The following SV2C variants were observed in gnomAD, a reference collection of about 807,000 sequenced individuals.
SV2C encodes synaptic vesicle glycoprotein 2C.
Under a neutral mutation model 79.7 loss-of-function variants are expected in SV2C, and 49 were observed. That is an observed-to-expected ratio of 0.61 (90% CI 0.49 to 0.78). SV2C has a LOEUF of 0.78. SV2C is among the 30% of genes least tolerant of loss of function. SV2C has a pLI of 0.00. For missense variants in SV2C, 833 were observed against 912.9 expected, an observed-to-expected ratio of 0.91 and a Z score of 1.13; for synonymous variants, 334 against 333.2, an observed-to-expected ratio of 1.00 and a Z score of -0.03.
At chr5:76,232,304 A>T (rs1194641545) in intron 4 of SV2C, among the ~76,000 whole-genome samples, 3 of 150,372 alleles carry the variant, frequency 2.0e-5, no homozygotes, top group South Asian at 4.2e-4. Flanking sequence ...TTTCTTGTAA[A>T]TTTGTTGGAG....
At chr5:75,854,133 ACT>A in the SV2C span, among the ~76,000 whole-genome samples, 1 of 151,810 alleles carries the variant, frequency 6.6e-6, no homozygotes, top group African/African-American at 2.4e-5. Context: ...TGGTGTATTT[ACT>A]CTTTTTTTTC....
chr5:76,225,790 C>T (rs1051218355), intron 4 of SV2C, among the ~76,000 whole-genome samples: 1 of 152,176 alleles, frequency 6.6e-6, no homozygotes, highest in African/African-American at 2.4e-5. Context: ...GAAGTGGATT[C>T]AATGGCTTTG....
Position 76,134,417 on chromosome 5 carries a change from C to T in SV2C, c.580+2087C>T, listed in dbSNP as rs144383765. ...AATTGTTTTGCCATTTTCATTTCAT[C>T]GAATAATAGCTTTGTAATATAATTA... is the stretch of plus-strand genomic sequence containing the variant. On this transcript the variant is annotated intron_variant, in intron 2 of 12. Coordinates refer to ENST00000502798, the MANE Select transcript of SV2C (RefSeq NM_014979.4). Among the ~76,000 whole-genome samples, 402 of 152,168 alleles carry T rather than the reference C, an allele frequency of 2.6e-3. 4 individuals are homozygous for T. Among genetic ancestry groups the T allele is most frequent in the African/African-American group, 9.2e-3 (380 of 41,512 alleles).
chr5:76,038,919 C>T, the SV2C span, among the ~76,000 whole-genome samples: 1 of 152,206 alleles, frequency 6.6e-6, no homozygotes, highest in Non-Finnish European at 1.5e-5. Flanking sequence ...CCATGGGAAA[C>T]TTCAATCAGG....
intron 2 of SV2C, among the ~76,000 whole-genome samples, chr5:76,187,092 C>A (rs1408244305): frequency 6.6e-6 from 1 of 152,188 alleles, no homozygotes; most frequent in African/African-American, 2.4e-5. Context: ...CCATGGTACA[C>A]CACAAGGTGA....
the SV2C span, among the ~76,000 whole-genome samples, chr5:75,863,461 T>G: frequency 6.6e-6 from 1 of 152,284 alleles, no homozygotes; most frequent in South Asian, 2.1e-4. Flanking sequence ...GTGGTGAGTT[T>G]TGAGAATTTA....
chr5:75,973,305 C>A, the SV2C span, among the ~76,000 whole-genome samples: 2 of 151,488 alleles, frequency 1.3e-5, no homozygotes, highest in South Asian at 4.2e-4. Flanking sequence ...TGCACACGTA[C>A]CCTAAAACTT....
rs246818 is a variant in SV2C, at chr5:76,340,028, C to T, written c.2001-13102C>T. 9.5e-4 allele frequency among the ~76,000 whole-genome samples: 144 copies of T among 152,310 alleles called. 2 individuals carry two copies. In the East Asian group the frequency reaches 0.025, roughly 27 times the overall value. On this transcript the variant is annotated intron_variant, in intron 12 of 12. Transcript: ENST00000322285. ...GTAGCTGGCCAAAACCCACCAAAAC[C>T]GAGATGGTGAGGAAAGTGACCTCTG...
chr5:75,917,848 T>G, the SV2C span, among the ~76,000 whole-genome samples: 1 of 152,184 alleles, frequency 6.6e-6, no homozygotes, highest in Admixed American at 6.5e-5. Flanking sequence ...ACTCAAAGGA[T>G]AAATGCTTGG....
the SV2C span, among the ~76,000 whole-genome samples, chr5:75,956,437 C>T: frequency 6.6e-6 from 1 of 150,626 alleles, no homozygotes; most frequent in Non-Finnish European, 1.5e-5. Flanking sequence ...GGGAGATATA[C>T]CTAATGAGAG....
At chr5:75,964,658 T>C in the SV2C span, among the ~76,000 whole-genome samples, 1 of 152,170 alleles carries the variant, frequency 6.6e-6, no homozygotes, top group South Asian at 2.1e-4. Context: ...GGGCTAAGGG[T>C]TTCTTTACCA....
the SV2C span, among the ~76,000 whole-genome samples, chr5:75,941,727 C>G: frequency 2.6e-5 from 4 of 152,214 alleles, no homozygotes; most frequent in African/African-American, 9.7e-5. Context: ...CCTCAGGAAG[C>G]AGAATCTCTC....
At chr5:76,023,736 A>T in the SV2C span, among the ~76,000 whole-genome samples, 1 of 150,020 alleles carries the variant, frequency 6.7e-6, no homozygotes, top group Non-Finnish European at 1.5e-5. Flanking sequence ...ATATTTTAAG[A>T]ACATGGAATA....
At chr5:76,228,285 C>A (rs1022453840) in intron 4 of SV2C, among the ~76,000 whole-genome samples, 2 of 152,176 alleles carry the variant, frequency 1.3e-5, no homozygotes, top group Admixed American at 1.3e-4. Flanking sequence ...AAAAGCCTGT[C>A]AGCATGATAA....
chr5:76,146,621 A>G (rs1749431383), intron 2 of SV2C, among the ~76,000 whole-genome samples: 1 of 151,940 alleles, frequency 6.6e-6, no homozygotes. Context: ...CAAACCTCCT[A>G]TCTTATCCTG....
the SV2C span, among the ~76,000 whole-genome samples, chr5:76,071,876 A>C: frequency 7.9e-5 from 12 of 152,352 alleles, no homozygotes; most frequent in Admixed American, 4.6e-4. Flanking sequence ...TCAATGCATT[A>C]ATAGACCTAT....
the SV2C span, among the ~76,000 whole-genome samples, chr5:75,903,739 A>T: frequency 6.6e-6 from 1 of 152,148 alleles, no homozygotes; most frequent in Non-Finnish European, 1.5e-5. Context: ...GGGTGTTACA[A>T]ATTTTGACAC....
chr5:76,193,845 A>G (rs1260836553), intron 2 of SV2C, among the ~76,000 whole-genome samples: 2 of 152,214 alleles, frequency 1.3e-5, no homozygotes, highest in Non-Finnish European at 2.9e-5. Flanking sequence ...ATGGGTTAAT[A>G]ATACTCACTT....
intron 1 of SV2C, among the ~76,000 whole-genome samples, chr5:76,094,142 A>T (rs1333557140): frequency 6.6e-6 from 1 of 152,220 alleles, no homozygotes; most frequent in Non-Finnish European, 1.5e-5. Flanking sequence ...GCACTATAAG[A>T]AACTGTGAGT....
Sources: gnomAD v4.1 joint callset for allele counts (sites outside exome capture counted in the v4.1 genomes callset) on GRCh38, gnomAD v4.1.1 for gene constraint, MANE v1.5 for transcripts, NCBI Gene and HGNC (gene_info 2026-07-23, HGNC 2026-07-21) for gene names.